MLF1: variants seen among roughly 807,000 people sequenced by gnomAD.
MLF1 encodes myelodysplasia-myeloid leukemia factor 1.
Under a neutral mutation model 38.3 loss-of-function variants are expected in MLF1, and 37 were observed. The ratio of observed to expected loss-of-function variants is 0.96; its 90% CI spans 0.74 to 1.27. The LOEUF (loss-of-function observed/expected upper bound fraction) is 1.27, where lower values mean the gene tolerates loss of function less well. Among genes scored for constraint, MLF1 ranks in the 50% most tolerant of loss-of-function variants. The pLI is 0.00. For synonymous variants in MLF1, 95 were observed against 106.5 expected, an observed-to-expected ratio of 0.89 and a Z score of 0.66; for missense variants, 331 against 349.2, an observed-to-expected ratio of 0.95 and a Z score of 0.42.
chr3:158,592,179 C>T (rs923946380), intron 1 of MLF1, among the ~76,000 whole-genome samples: 1 of 152,026 alleles, frequency 6.6e-6, no homozygotes, highest in African/African-American at 2.4e-5. Flanking sequence ...TACTGTTTCT[C>T]CTGAATGTGG....
Position 158,598,173 on chromosome 3 carries a change from C to T in MLF1, c.418C>T (p.Gln140Ter). ...AGGAGATGAACCGCCAAAGGTTTTT[C>T]AGGCCTCAACTCAAACTCGTCGAGC... ...KIGDEPPKVF[Q>*]ASTQTRRAPG... The change falls in exon 5 of 8, where the codon CAG becomes TAG. Residue 140 changes from glutamine (Q) to a stop codon, truncating the protein, a stop_gained. Coordinates refer to ENST00000466246, the MANE Select transcript of MLF1 (RefSeq NM_001369783.1). LOFTEE classifies it high-confidence loss of function. 6.2e-7 allele frequency: 1 copy of T among 1,613,810 alleles called. No individual in the cohort carries two copies. Among genetic ancestry groups the T allele is most frequent in the Non-Finnish European group, 8.5e-7 (1 of 1,179,858 alleles).
At chr3:158,588,619 A>AC (rs1560103382) in intron 1 of MLF1, among the ~76,000 whole-genome samples, 1 of 62,148 alleles carries the variant, frequency 1.6e-5, no homozygotes, top group African/African-American at 8.2e-5. Flanking sequence ...AAAAAAAAAA[A>AC]AAAAAGCAGA....
intron 1 of MLF1, among the ~76,000 whole-genome samples, chr3:158,578,476 G>T (rs1715811224): frequency 6.7e-6 from 1 of 149,614 alleles, no homozygotes; most frequent in African/African-American, 2.5e-5. Context: ...TTAAACACAT[G>T]TATGTACGTA....
intron 6 of MLF1, among the ~76,000 whole-genome samples, chr3:158,602,081 G>C (rs1032791829): frequency 1.3e-5 from 2 of 152,032 alleles, no homozygotes; most frequent in African/African-American, 4.8e-5. Flanking sequence ...CTCCCAAAGT[G>C]CCGGGATTAC....
chr3:158,588,584 G>C (rs1001736409), intron 1 of MLF1, among the ~76,000 whole-genome samples: 15 of 128,508 alleles, frequency 1.2e-4, no homozygotes, highest in East Asian at 5.3e-4. Context: ...CTGGGCAAGA[G>C]AGCGAGACTC....
intron 1 of MLF1, among the ~76,000 whole-genome samples, chr3:158,589,494 G>C (rs958707615): frequency 2.6e-5 from 4 of 152,150 alleles, no homozygotes; most frequent in African/African-American, 9.7e-5. Context: ...ACAGGCATGA[G>C]CCACCGCGCC....
intron 5 of MLF1, among the ~76,000 whole-genome samples, chr3:158,598,976 T>G (rs930132137): frequency 4.6e-5 from 7 of 152,214 alleles, no homozygotes; most frequent in African/African-American, 1.7e-4. Context: ...CTTCTGAGAT[T>G]TATTCAGCTT....
intron 1 of MLF1, among the ~76,000 whole-genome samples, chr3:158,572,528 G>A (rs1336961340): frequency 5.8e-5 from 8 of 136,994 alleles, no homozygotes; most frequent in Admixed American, 5.8e-4. Context: ...GGAGGGTTGG[G>A]GAGAAGGGTT....
At chr3:158,580,477 G>A (rs1716168180) in intron 1 of MLF1, among the ~76,000 whole-genome samples, 1 of 152,008 alleles carries the variant, frequency 6.6e-6, no homozygotes, top group Non-Finnish European at 1.5e-5. Context: ...CTATTGATCT[G>A]TACACACTGA....
intron 1 of MLF1, among the ~76,000 whole-genome samples, chr3:158,589,459 C>T (rs1272764344): frequency 6.6e-6 from 1 of 152,032 alleles, no homozygotes; most frequent in Non-Finnish European, 1.5e-5. Context: ...ATCCACCCAC[C>T]TCGGCCTCCC....
At position 158,605,124 on chromosome 3, in the gene MLF1, T is replaced by C. The variant is rs763888428; in HGVS notation, c.774T>C (p.Ile258=). The change falls in exon 8 of 8, where the codon ATT becomes ATC. Residue 258 remains isoleucine (I), a synonymous_variant. Coordinates refer to ENST00000466246, the MANE Select transcript of MLF1 (RefSeq NM_001369783.1). Reference sequence around the variant, plus strand: ...AGAAACCTCAACAAAGTCCAGCCATTGAACATGGAAGGAGATCAAATGTTT... The same window carrying C: ...AGAAACCTCAACAAAGTCCAGCCATCGAACATGGAAGGAGATCAAATGTTT... ...RREKPQQSPA[I]EHGRRSNVLG... is the part of the protein sequence containing the mutation. 2.5e-6 allele frequency: 4 copies of C among 1,613,538 alleles called. No homozygotes were observed. In the South Asian group the frequency reaches 3.3e-5, roughly 13 times the overall value.
In MLF1 at chr3:158,598,200, C is replaced by T. The variant is rs1172724672; in HGVS notation, c.445C>T (p.Pro149Ser). 6.2e-7 allele frequency: 1 copy of T among 1,612,088 alleles called. No individual in the cohort carries two copies. Among genetic ancestry groups the T allele is most frequent in the Admixed American group, 1.7e-5 (1 of 59,496 alleles). ...GGCCTCAACTCAAACTCGTCGAGCT[C>T]CAGGAGGAGTAAGTTTTCTATAAGC... ...FQASTQTRRA[P>S]GGIKETRKAM... is the part of the protein sequence containing the mutation. Residue 149 changes from proline to serine, a missense_variant, in exon 5 of 8, where the codon CCA (proline) becomes TCA (serine). Physicochemically the swap from Pro to Ser is moderately conservative, Grantham distance 74 (BLOSUM62 -1). Transcript: ENST00000466246.
intron 1 of MLF1, chr3:158,588,902 C>G: frequency 2.2e-6 from 1 of 456,474 alleles, no homozygotes; most frequent in African/African-American, 2.0e-5. Context: ...CACAAGAAGC[C>G]CTTGGAACTA....
chr3:158,605,931 C>T lies in MLF1; in HGVS notation c.*729C>T, dbSNP rs1720442815. On this transcript the variant is annotated 3_prime_UTR_variant, in exon 8 of 8. Coordinates refer to ENST00000466246, the MANE Select transcript of MLF1 (RefSeq NM_001369783.1). Reference sequence around the variant, plus strand: ...CTTCTTAATGTGGCATATTTCTACTCTCCTTTCCCACAAACAGCTTCATCT... The same window carrying T: ...CTTCTTAATGTGGCATATTTCTACTTTCCTTTCCCACAAACAGCTTCATCT... The T allele has an allele frequency of 5.5e-6, 1 of 182,454 alleles. No homozygotes were observed. Among genetic ancestry groups the T allele is most frequent in the Non-Finnish European group, 1.2e-5 (1 of 85,766 alleles). 11.3% of individuals were successfully genotyped at this position (182,454 alleles called of 1,614,324 possible).
At chr3:158,582,459 A>G (rs185626150) in intron 1 of MLF1, among the ~76,000 whole-genome samples, 1 of 152,300 alleles carries the variant, frequency 6.6e-6, no homozygotes, top group African/African-American at 2.4e-5. Flanking sequence ...CCCCAAATTA[A>G]TGTCATACAC....
At chr3:158,582,695 A>C in intron 1 of MLF1, 1 of 478,702 alleles carries the variant, frequency 2.1e-6, no homozygotes, top group East Asian at 3.4e-5. Context: ...GAAATATATA[A>C]AGTGTTGAGA....
At chr3:158,597,247 GA>G (rs1719017873) in intron 4 of MLF1, among the ~76,000 whole-genome samples, 1 of 151,764 alleles carries the variant, frequency 6.6e-6, no homozygotes, top group African/African-American at 2.4e-5. Flanking sequence ...TGTTAACTTT[GA>G]AAATTTTTTA....
chr3:158,585,037 G>GAA (rs59014137), intron 1 of MLF1, among the ~76,000 whole-genome samples: 1 of 88,856 alleles, frequency 1.1e-5, no homozygotes, highest in African/African-American at 3.9e-5. Flanking sequence ...GACTCTGTCT[G>GAA]AAAAAAAAAA....
At chr3:158,578,886 T>G (rs1030583617) in intron 1 of MLF1, among the ~76,000 whole-genome samples, 2 of 152,180 alleles carry the variant, frequency 1.3e-5, no homozygotes, top group Non-Finnish European at 2.9e-5. Context: ...GATGTCCACA[T>G]GTGGATTTTT....
Sources: gnomAD v4.1 joint callset for allele counts (sites outside exome capture counted in the v4.1 genomes callset) on GRCh38, gnomAD v4.1.1 for gene constraint, MANE v1.5 for transcripts, NCBI Gene and HGNC (gene_info 2026-07-23, HGNC 2026-07-21) for gene names.